Variants in NRXN3 observed in about 807,000 individuals in gnomAD.
NRXN3 encodes the protein neurexin 3, also known as neurexin III.
NRXN3 carries 32 observed loss-of-function variants against 137.6 expected under a neutral mutation model. That is an observed-to-expected ratio of 0.23 (90% CI 0.18 to 0.31). The LOEUF (loss-of-function observed/expected upper bound fraction) is 0.31. NRXN3 is among the 10% of genes least tolerant of loss of function. The pLI is 1.00. For synonymous variants in NRXN3, 798 were observed against 784.5 expected (o/e 1.02, Z -0.29); for missense variants, 1,574 against 2,062.5 (o/e 0.76, Z 4.59).
intron 15 of NRXN3, among the ~76,000 whole-genome samples, chr14:79,137,035 G>A (rs552926331): frequency 3.2e-4 from 49 of 152,246 alleles, no homozygotes; most frequent in African/African-American, 1.2e-3. Flanking sequence ...GCCATTTGAG[G>A]ACCATGAAAT....
intron 14 of NRXN3, among the ~76,000 whole-genome samples, chr14:78,984,842 T>C (rs71414776): frequency 0.086 from 13,115 of 152,222 alleles, 879 homozygotes; most frequent in Non-Finnish European, 0.11. Context: ...TAGGGACATA[T>C]GGTAAGAAAT....
At chr14:79,243,136 A>G (rs2074573277) in intron 15 of NRXN3, among the ~76,000 whole-genome samples, 1 of 152,182 alleles carries the variant, frequency 6.6e-6, no homozygotes, top group South Asian at 2.1e-4. Flanking sequence ...ATTTATTATG[A>G]CTTCCCATGT....
chr14:78,568,373 G>A (rs1174378465), intron 4 of NRXN3, among the ~76,000 whole-genome samples: 1 of 152,170 alleles, frequency 6.6e-6, no homozygotes, highest in Non-Finnish European at 1.5e-5. Flanking sequence ...CTCACCTGAT[G>A]CCAAATCTTC....
chr14:78,276,348 C>CT (rs1330774171), intron 2 of NRXN3, among the ~76,000 whole-genome samples: 5 of 152,262 alleles, frequency 3.3e-5, no homozygotes, highest in African/African-American at 1.2e-4. Flanking sequence ...AGCAGATGTC[C>CT]TTATTCATAA....
chr14:79,005,372 T>C (rs572519846), intron 15 of NRXN3, among the ~76,000 whole-genome samples: 3 of 152,340 alleles, frequency 2.0e-5, no homozygotes, highest in East Asian at 3.9e-4. Context: ...ATGTTCTTTT[T>C]TGTGGCCATC....
intron 4 of NRXN3, among the ~76,000 whole-genome samples, chr14:78,625,441 G>T (rs1601550439): frequency 6.6e-6 from 1 of 152,132 alleles, no homozygotes; most frequent in South Asian, 2.1e-4. Flanking sequence ...TCTTTTGTTG[G>T]TTTTTTAATT....
intron 16 of NRXN3, among the ~76,000 whole-genome samples, chr14:79,523,608 G>T (rs1432054765): frequency 2.6e-5 from 4 of 152,136 alleles, no homozygotes; most frequent in Non-Finnish European, 5.9e-5. Context: ...GCTGCCATTT[G>T]TCATTTCAGG....
At chr14:79,824,721 G>T (rs2099287501) in intron 20 of NRXN3, among the ~76,000 whole-genome samples, 2 of 152,302 alleles carry the variant, frequency 1.3e-5, no homozygotes, top group South Asian at 4.1e-4. Context: ...GGAAGAGCTT[G>T]TGAAGACTTT....
intron 4 of NRXN3, among the ~76,000 whole-genome samples, chr14:78,590,925 C>T (rs926018885): frequency 6.6e-6 from 1 of 151,642 alleles, no homozygotes; most frequent in Non-Finnish European, 1.5e-5. Flanking sequence ...AAACAAAAAA[C>T]CAAAAAAGAA....
chr14:78,621,045 T>C (rs1261461809), intron 4 of NRXN3, among the ~76,000 whole-genome samples: 1 of 152,186 alleles, frequency 6.6e-6, no homozygotes, highest in Non-Finnish European at 1.5e-5. Flanking sequence ...TGGTATGAGC[T>C]GTTGGGGTAA....
chr14:79,016,884 G>A (rs754025355), intron 15 of NRXN3, among the ~76,000 whole-genome samples: 2 of 152,166 alleles, frequency 1.3e-5, no homozygotes, highest in Non-Finnish European at 2.9e-5. Flanking sequence ...GTAAACACAA[G>A]GAGAAAATGG....
At chr14:79,684,082 A>T (rs1279968883) in intron 17 of NRXN3, among the ~76,000 whole-genome samples, 1 of 152,218 alleles carries the variant, frequency 6.6e-6, no homozygotes, top group Non-Finnish European at 1.5e-5. Context: ...CACAAAAAAT[A>T]TGCTTATTAA....
intron 14 of NRXN3, among the ~76,000 whole-genome samples, chr14:78,979,908 C>T (rs2099485034): frequency 1.3e-5 from 2 of 152,088 alleles, no homozygotes; most frequent in Admixed American, 1.3e-4. Context: ...GATTCAATTA[C>T]CTCCCACCGG....
intron 6 of NRXN3, among the ~76,000 whole-genome samples, chr14:78,653,382 C>T (rs1264572631): frequency 6.6e-6 from 1 of 152,170 alleles, no homozygotes; most frequent in Non-Finnish European, 1.5e-5. Context: ...AAGACTGCAA[C>T]ATTCTTGTTA....
At chr14:79,348,901 G>C (rs1018066342) in intron 15 of NRXN3, among the ~76,000 whole-genome samples, 1 of 152,142 alleles carries the variant, frequency 6.6e-6, no homozygotes, top group Non-Finnish European at 1.5e-5. Flanking sequence ...CTTTATCATA[G>C]AACCTTAGGA....
chr14:79,448,791 G>A (rs540519462), intron 15 of NRXN3, among the ~76,000 whole-genome samples: 13 of 152,224 alleles, frequency 8.5e-5, no homozygotes, highest in Admixed American at 3.3e-4. Context: ...GTACATTTAT[G>A]TATGTATTAT....
chr14:78,714,022 A>G (rs1453160509), intron 7 of NRXN3, among the ~76,000 whole-genome samples: 1 of 152,230 alleles, frequency 6.6e-6, no homozygotes, highest in Non-Finnish European at 1.5e-5. Context: ...AGTTCATCTC[A>G]GTGCCTAGAA....
chr14:79,300,950 A>T (rs1257816923), intron 15 of NRXN3, among the ~76,000 whole-genome samples: 5 of 152,120 alleles, frequency 3.3e-5, no homozygotes, highest in Non-Finnish European at 7.4e-5. Context: ...ATTACTTCAG[A>T]TTAGCTGAGA....
intron 19 of NRXN3, among the ~76,000 whole-genome samples, chr14:79,741,786 A>G (rs538474651): frequency 6.8e-6 from 1 of 147,588 alleles, no homozygotes; most frequent in Admixed American, 6.9e-5. Flanking sequence ...ATACCTGGCC[A>G]AAATGTGTAT....
Sources: allele counts gnomAD v4.1 joint callset (sites outside exome capture counted in the v4.1 genomes callset), GRCh38; gene constraint gnomAD v4.1.1; transcripts MANE v1.5; gene names NCBI Gene and HGNC (gene_info 2026-07-23, HGNC 2026-07-21).